ARNT2: variants seen among roughly 807,000 people sequenced by gnomAD.
The protein encoded by ARNT2 is aryl hydrocarbon receptor nuclear translocator 2, also known as ARNT protein 2.
In ARNT2, 36 loss-of-function variants were observed where a neutral mutation model predicts 91.7. The ratio of observed to expected loss-of-function variants is 0.39; its 90% CI spans 0.30 to 0.52. ARNT2 has a LOEUF of 0.52. Ranked by LOEUF, ARNT2 falls within the 20% of genes least tolerant of loss-of-function variation. ARNT2 has a pLI of 0.72. For synonymous variants in ARNT2, 365 were observed against 347.1 expected (o/e 1.05, Z -0.57); for missense variants, 775 against 939.3 (o/e 0.83, Z 2.29).
intron 17 of ARNT2, among the ~76,000 whole-genome samples, chr15:80,587,069 C>T (rs1201491051): frequency 2.0e-5 from 3 of 152,168 alleles, no homozygotes; most frequent in Admixed American, 6.5e-5. Context: ...TTATAGACCT[C>T]TCCATCCCTA....
intron 8 of ARNT2, among the ~76,000 whole-genome samples, chr15:80,550,346 G>C (rs867277623): frequency 1.3e-5 from 2 of 152,294 alleles, no homozygotes; most frequent in Middle Eastern, 6.8e-3. Flanking sequence ...TGGAGTGAGG[G>C]GCTGTCACTG....
chr15:80,462,797 T>C (rs1286973928), intron 3 of ARNT2, among the ~76,000 whole-genome samples: 2 of 152,242 alleles, frequency 1.3e-5, no homozygotes, highest in Non-Finnish European at 2.9e-5. Flanking sequence ...AGTTAGCCAG[T>C]GAACCTCTAA....
At chr15:80,453,477 G>A (rs959628529) in intron 2 of ARNT2, among the ~76,000 whole-genome samples, 6 of 152,168 alleles carry the variant, frequency 3.9e-5, no homozygotes, top group East Asian at 1.9e-4. Context: ...TTACAGGGCC[G>A]TTTCCATAGT....
intron 3 of ARNT2, among the ~76,000 whole-genome samples, chr15:80,463,241 T>A (rs1896587415): frequency 6.6e-6 from 1 of 152,150 alleles, no homozygotes; most frequent in South Asian, 2.1e-4. Context: ...TCTTATCAGT[T>A]ACCATGTGTG....
intron 1 of ARNT2, among the ~76,000 whole-genome samples, chr15:80,413,641 C>T (rs930399103): frequency 3.3e-5 from 5 of 152,192 alleles, no homozygotes; most frequent in Non-Finnish European, 5.9e-5. Context: ...TCTATCCAGG[C>T]TTAGGTGGCA....
At chr15:80,454,717 C>A (rs1488052665) in intron 2 of ARNT2, among the ~76,000 whole-genome samples, 4 of 152,300 alleles carry the variant, frequency 2.6e-5, no homozygotes, top group African/African-American at 9.6e-5. Context: ...GTGGGACCAG[C>A]CCTTTTATCT....
At chr15:80,448,637 C>G (rs1056127685) in intron 1 of ARNT2, among the ~76,000 whole-genome samples, 2 of 152,198 alleles carry the variant, frequency 1.3e-5, no homozygotes, top group Non-Finnish European at 2.9e-5. Flanking sequence ...AAGATCTCTT[C>G]CAGCCTGAAA....
intron 1 of ARNT2, among the ~76,000 whole-genome samples, chr15:80,449,863 T>G (rs1896361147): frequency 6.6e-6 from 1 of 152,236 alleles, no homozygotes; most frequent in Non-Finnish European, 1.5e-5. Context: ...AGATTCCTTA[T>G]GTATCCTGAC....
chr15:80,427,706 T>C (rs1895952301), intron 1 of ARNT2, among the ~76,000 whole-genome samples: 1 of 152,228 alleles, frequency 6.6e-6, no homozygotes, highest in Non-Finnish European at 1.5e-5. Context: ...AGAATCCTTA[T>C]GATAAAGCCA....
chr15:80,575,102 T>C lies in ARNT2; in HGVS notation c.1505T>C (p.Ile502Thr). Residue 502 changes from isoleucine to threonine, a missense_variant, in exon 14 of 19, where the codon ATT (isoleucine) becomes ACT (threonine). Physicochemically the swap from Ile to Thr is moderately conservative, Grantham distance 89. Transcript: ENST00000303329. ...DPRFAEMFAG[I>T]SASEKKMMSS... ...CGGTTTGCTGAAATGTTTGCAGGAA[T>C]TAGTGCATGTAAGTTTCCAAATGGT... 2 of 1,614,132 alleles carry C rather than the reference T, an allele frequency of 1.2e-6. No homozygotes were observed. The highest frequency in any genetic ancestry group is 2.2e-5 in the South Asian group (2 of 91,076).
intron 12 of ARNT2, among the ~76,000 whole-genome samples, chr15:80,565,247 C>A (rs938289074): frequency 1.3e-5 from 2 of 152,148 alleles, no homozygotes; most frequent in Admixed American, 6.5e-5. Context: ...ATTCAGCCCA[C>A]CGTTGATGGG....
rs141580190 is a variant in ARNT2, at chr15:80,542,084, A to G, written c.878-9115A>G. Among the ~76,000 whole-genome samples, 171 of 152,384 alleles carry G rather than the reference A, an allele frequency of 1.1e-3. 2 individuals are homozygous for G. Among genetic ancestry groups the G allele is most frequent in the African/African-American group, 4.0e-3 (167 of 41,602 alleles). On this transcript the variant is annotated intron_variant, in intron 8 of 18. Transcript: ENST00000303329. ...TCCTGAGAACATCACACTTAGGCAC[A>G]TAAAGCATTCATTCCGTTAATGAAT...
intron 4 of ARNT2, among the ~76,000 whole-genome samples, chr15:80,470,655 A>C (rs944037648): frequency 6.6e-6 from 1 of 152,230 alleles, no homozygotes; most frequent in African/African-American, 2.4e-5. Flanking sequence ...GTCACTCAAA[A>C]AAATATATTG....
At chr15:80,494,844 C>G (rs989867734) in intron 5 of ARNT2, among the ~76,000 whole-genome samples, 2 of 152,170 alleles carry the variant, frequency 1.3e-5, no homozygotes, top group Non-Finnish European at 2.9e-5. Context: ...CTTTTCATTG[C>G]TCATGAGATG....
chr15:80,502,796 G>A (rs1425533041), intron 5 of ARNT2, among the ~76,000 whole-genome samples: 1 of 152,154 alleles, frequency 6.6e-6, no homozygotes, highest in Non-Finnish European at 1.5e-5. Context: ...CACCCAGGGG[G>A]TTGGAGATTA....
intron 5 of ARNT2, among the ~76,000 whole-genome samples, chr15:80,501,015 T>G (rs764270604): frequency 6.6e-6 from 1 of 152,092 alleles, no homozygotes; most frequent in Non-Finnish European, 1.5e-5. Context: ...TTTCATGGAG[T>G]AGAAAAACTG....
chr15:80,546,975 C>A (rs1425313435), intron 8 of ARNT2, among the ~76,000 whole-genome samples: 3 of 150,598 alleles, frequency 2.0e-5, no homozygotes, highest in Non-Finnish European at 3.0e-5. Flanking sequence ...AAAAAAAAAC[C>A]AAACAAAACA....
intron 11 of ARNT2, among the ~76,000 whole-genome samples, chr15:80,558,639 C>A (rs1360313669): frequency 6.6e-6 from 1 of 152,170 alleles, no homozygotes; most frequent in African/African-American, 2.4e-5. Flanking sequence ...CGTGCCCGGC[C>A]TTCATGTGTG....
At chr15:80,551,064 C>A in intron 8 of ARNT2, 135 bp from the exon 9 acceptor site, 1 of 750,400 alleles carries the variant, frequency 1.3e-6, no homozygotes, top group Non-Finnish European at 2.2e-6. Flanking sequence ...CTGGTTAATT[C>A]ATTGGCTGGC....
Sources: allele counts gnomAD v4.1 joint callset (sites outside exome capture counted in the v4.1 genomes callset), GRCh38; gene constraint gnomAD v4.1.1; transcripts MANE v1.5; gene names NCBI Gene and HGNC (gene_info 2026-07-23, HGNC 2026-07-21).